The following FERMT2 variants were observed in gnomAD, a reference collection of about 807,000 sequenced individuals.
FERMT2 encodes fermitin family homolog 2.
FERMT2 carries 15 observed loss-of-function variants against 82.7 expected under a neutral mutation model. The observed-to-expected ratio is 0.18, with a 90% confidence interval of 0.12 to 0.28. The LOEUF is 0.28. Ranked by LOEUF, FERMT2 falls within the 10% of genes least tolerant of loss-of-function variation. The pLI, the probability that FERMT2 is intolerant of heterozygous loss-of-function variation, is 1.00. For missense variants in FERMT2, 645 were observed against 809.4 expected, an observed-to-expected ratio of 0.80 and a Z score of 2.46; for synonymous variants, 274 against 271.5, an observed-to-expected ratio of 1.01 and a Z score of -0.09.
At chr14:52,869,626 A>T (rs73302512) in intron 10 of FERMT2, among the ~76,000 whole-genome samples, 1 of 152,208 alleles carries the variant, frequency 6.6e-6, no homozygotes, top group South Asian at 2.1e-4. Context: ...ATGTACAATT[A>T]TAAGTAGTAC....
At chr14:52,925,421 G>A (rs1889199875) in intron 2 of FERMT2, among the ~76,000 whole-genome samples, 1 of 151,992 alleles carries the variant, frequency 6.6e-6, no homozygotes, top group Non-Finnish European at 1.5e-5. Context: ...AGCTGGGCCT[G>A]TTGGTGCACA....
intron 4 of FERMT2, among the ~76,000 whole-genome samples, chr14:52,882,562 T>C (rs1886357284): frequency 6.6e-6 from 1 of 152,206 alleles, no homozygotes; most frequent in African/African-American, 2.4e-5. Flanking sequence ...TTAAATTATA[T>C]TTTGTCCTGT....
At chr14:52,920,303 G>A (rs1470624561) in intron 2 of FERMT2, among the ~76,000 whole-genome samples, 2 of 152,146 alleles carry the variant, frequency 1.3e-5, no homozygotes, top group African/African-American at 4.8e-5. Flanking sequence ...AAGGGAAAGT[G>A]ATGTTTCAAA....
chr14:52,894,412 G>C (rs1887134134), intron 3 of FERMT2, among the ~76,000 whole-genome samples: 1 of 152,188 alleles, frequency 6.6e-6, no homozygotes, highest in Non-Finnish European at 1.5e-5. Flanking sequence ...TTCTGTAGAA[G>C]TTGACAGATT....
intron 4 of FERMT2, among the ~76,000 whole-genome samples, chr14:52,881,985 T>TAAAG (rs1407166829): frequency 6.6e-6 from 1 of 152,182 alleles, no homozygotes; most frequent in African/African-American, 2.4e-5. Context: ...GATTTCAGAG[T>TAAAG]AAAGAACCTT....
chr14:52,866,361 C>CTA (rs1301818978), intron 10 of FERMT2, among the ~76,000 whole-genome samples: 1 of 152,134 alleles, frequency 6.6e-6, no homozygotes, highest in Non-Finnish European at 1.5e-5. Context: ...TTGAGGAACC[C>CTA]TATGCTGCAA....
intron 6 of FERMT2, among the ~76,000 whole-genome samples, chr14:52,879,368 AGATGATG>A: frequency 6.6e-6 from 1 of 152,184 alleles, no homozygotes; most frequent in East Asian, 1.9e-4. Context: ...GAATTTTTAT[AGATGATG>A]GAATATTCCA....
chr14:52,902,987 C>A (rs1164781979), intron 3 of FERMT2, among the ~76,000 whole-genome samples: 1 of 144,392 alleles, frequency 6.9e-6, no homozygotes, highest in Non-Finnish European at 1.5e-5. Flanking sequence ...AGAACAATGT[C>A]TGACTAACAG....
intron 2 of FERMT2, among the ~76,000 whole-genome samples, chr14:52,924,808 G>A (rs938609739): frequency 6.6e-6 from 1 of 152,106 alleles, no homozygotes; most frequent in Non-Finnish European, 1.5e-5. Flanking sequence ...GCAGACCCAA[G>A]GAGTATTTTT....
rs773562106 is a variant in FERMT2 at position 52,919,327 on chromosome 14, G to C, written c.187C>G (p.Leu63Val). The C allele has an allele frequency of 1.4e-5, 22 of 1,613,010 alleles. No homozygotes were observed. The highest frequency in any genetic ancestry group is 3.3e-5 in the Admixed American group (2 of 59,950). The change falls in exon 3 of 15, where the codon CTC becomes GTC. Residue 63 changes from leucine (L) to valine (V), a missense_variant. Leu to Val is a conservative substitution (Grantham distance 32, BLOSUM62 1). Coordinates refer to ENST00000341590, the MANE Select transcript of FERMT2 (RefSeq NM_006832.3). ...CAAGTTCTCTTCTTTTCCCACCAGA[G>C]AGCATGGTCAGACCAATCTTTTTTT... ...DVKKDWSDHA[L>V]WWEKKRTWLL...
rs534531295 is a variant in FERMT2 at position 52,919,084 on chromosome 14, C to T, written c.391+39G>A. The T allele has an allele frequency of 7.7e-6, 11 of 1,423,458 alleles. 1 individual carries two copies. In the South Asian group the frequency reaches 1.1e-4, roughly 14 times the overall value. 88.2% of individuals were successfully genotyped at this position (1,423,458 alleles called of 1,614,324 possible). On this transcript the variant is annotated intron_variant, in intron 3 of 14. Transcript: ENST00000341590. The stretch of plus-strand genomic sequence containing the variant: ...TCAGTCATCGGTCATCTGTACATCA[C>T]ATAACTCGTATTTTAAGAAGAATTT...
rs549140181 is a variant in FERMT2 at position 52,883,138 on chromosome 14, G to A, written c.527-1669C>T. 2.0e-5 allele frequency among the ~76,000 whole-genome samples: 3 copies of A among 152,192 alleles called. No individual in the cohort carries two copies. The South Asian group carries it at 6.2e-4, about 32-fold the overall frequency. On this transcript the variant is annotated intron_variant, in intron 4 of 14. Coordinates refer to ENST00000341590, the MANE Select transcript of FERMT2 (RefSeq NM_006832.3). ...AATGCACTCCAGTCTAGGCAACAAA[G>A]CAAGACTCTATCTCAAACAAACAAA... is the stretch of plus-strand genomic sequence containing the variant.
chr14:52,914,176 A>G (rs974465509), intron 3 of FERMT2, among the ~76,000 whole-genome samples: 5 of 151,402 alleles, frequency 3.3e-5, no homozygotes, highest in Non-Finnish European at 7.4e-5. Context: ...CAGCCTGGGT[A>G]ACATAGTAAG....
chr14:52,897,403 T>C (rs1191886589), intron 3 of FERMT2, among the ~76,000 whole-genome samples: 1 of 152,126 alleles, frequency 6.6e-6, no homozygotes, highest in Non-Finnish European at 1.5e-5. Flanking sequence ...ATGTTCTTGT[T>C]TTATGTCTTT....
intron 7 of FERMT2, among the ~76,000 whole-genome samples, chr14:52,876,743 T>C (rs1001913771): frequency 3.3e-5 from 5 of 152,194 alleles, no homozygotes; most frequent in African/African-American, 4.8e-5. Flanking sequence ...AGGATCCAGA[T>C]GTCCCAAGGA....
intron 8 of FERMT2, among the ~76,000 whole-genome samples, 181 bp from the exon 9 acceptor site, chr14:52,874,407 A>C (rs1258637378): frequency 6.6e-6 from 1 of 152,206 alleles, no homozygotes; most frequent in Non-Finnish European, 1.5e-5. Context: ...CTTGGTACAA[A>C]GGCATTTTCA....
At chr14:52,942,633 G>T (rs1423678941) in intron 2 of FERMT2, among the ~76,000 whole-genome samples, 1 of 151,862 alleles carries the variant, frequency 6.6e-6, no homozygotes, top group East Asian at 1.9e-4. Context: ...CTATTTTATA[G>T]AAGTCAAAAC....
chr14:52,940,399 T>C (rs1890037761), intron 2 of FERMT2, among the ~76,000 whole-genome samples: 1 of 152,250 alleles, frequency 6.6e-6, no homozygotes, highest in Non-Finnish European at 1.5e-5. Context: ...TCATTTTCAA[T>C]TAACTTTCAA....
intron 2 of FERMT2, among the ~76,000 whole-genome samples, chr14:52,946,111 C>G (rs1890342282): frequency 6.6e-6 from 1 of 152,212 alleles, no homozygotes; most frequent in Admixed American, 6.5e-5. Flanking sequence ...TCCTAACCTT[C>G]TGATCTGCCC....
Sources: allele counts gnomAD v4.1 joint callset (sites outside exome capture counted in the v4.1 genomes callset), GRCh38; gene constraint gnomAD v4.1.1; transcripts MANE v1.5; gene names NCBI Gene and HGNC (gene_info 2026-07-23, HGNC 2026-07-21).